The following MCC variants were observed in gnomAD, a reference collection of about 807,000 sequenced individuals.
MCC encodes colorectal mutant cancer protein.
Under a neutral mutation model 116.2 loss-of-function variants are expected in MCC, and 90 were observed. The observed-to-expected ratio is 0.77, with a 90% CI of 0.65 to 0.92. MCC has a LOEUF of 0.92. Ranked by LOEUF, MCC falls within the 40% of genes least tolerant of loss-of-function variation. The pLI is 0.00. For synonymous variants in MCC, 578 were observed against 510.5 expected, an observed-to-expected ratio of 1.13 and a Z score of -1.78; for missense variants, 1,516 against 1,312.2, an observed-to-expected ratio of 1.16 and a Z score of -2.40.
At chr5:113,404,621 T>A (rs537436152) in intron 1 of MCC, among the ~76,000 whole-genome samples, 73 of 152,364 alleles carry the variant, frequency 4.8e-4, no homozygotes, top group African/African-American at 1.7e-3. Context: ...TAGGGATATG[T>A]TGATGACTGA....
intron 2 of MCC, among the ~76,000 whole-genome samples, chr5:113,346,539 G>T (rs184649486): frequency 6.8e-4 from 104 of 152,144 alleles, no homozygotes; most frequent in Non-Finnish European, 1.3e-3. Flanking sequence ...GGTGGAAGTC[G>T]CAGCGAGCCA....
intron 3 of MCC, chr5:113,234,761 A>G (rs1764069122): frequency 6.6e-6 from 1 of 152,226 alleles, no homozygotes; most frequent in Non-Finnish European, 1.5e-5. Context: ...GCATAATACT[A>G]TACTTCTTCA....
chr5:113,151,091 C>CTTGGACTTCGTAG (rs1759837390), intron 4 of MCC, among the ~76,000 whole-genome samples: 2 of 152,148 alleles, frequency 1.3e-5, no homozygotes, highest in Admixed American at 6.6e-5. Flanking sequence ...TCGGTAGGCA[C>CTTGGACTTCGTAG]CTTGGACTTC....
At chr5:113,187,266 G>A (rs1198567989) in intron 3 of MCC, among the ~76,000 whole-genome samples, 1 of 152,092 alleles carries the variant, frequency 6.6e-6, no homozygotes, top group East Asian at 1.9e-4. Context: ...GCGCCACCAT[G>A]CCCAGCTCAT....
intron 14 of MCC, among the ~76,000 whole-genome samples, chr5:113,061,631 CT>C (rs1382690916): frequency 1.3e-5 from 2 of 152,336 alleles, no homozygotes; most frequent in Non-Finnish European, 2.9e-5. Flanking sequence ...TTAACTACCC[CT>C]CTGCTGCTCC....
At chr5:113,417,493 A>AGGTC (rs1392672866) in intron 1 of MCC, among the ~76,000 whole-genome samples, 1 of 152,154 alleles carries the variant, frequency 6.6e-6, no homozygotes, top group African/African-American at 2.4e-5. Flanking sequence ...GCAGCAAAGG[A>AGGTC]GGTCCACTGA....
At chr5:113,249,861 C>G (rs1764727185) in intron 3 of MCC, among the ~76,000 whole-genome samples, 1 of 152,208 alleles carries the variant, frequency 6.6e-6, no homozygotes, top group African/African-American at 2.4e-5. Context: ...ACCCCCACGC[C>G]TTTGGTTTTA....
chr5:113,038,206 A>G (rs1252042740), intron 17 of MCC, among the ~76,000 whole-genome samples: 1 of 152,196 alleles, frequency 6.6e-6, no homozygotes, highest in African/African-American at 2.4e-5. Context: ...GCAGGAAGAA[A>G]CAGAATTGTA....
intron 16 of MCC, among the ~76,000 whole-genome samples, chr5:113,047,713 C>T (rs1271911801): frequency 6.6e-6 from 1 of 151,944 alleles, no homozygotes; most frequent in African/African-American, 2.4e-5. Flanking sequence ...AAATATGATG[C>T]ACAGAATATA....
At chr5:113,457,609 G>C (rs947869424) in intron 1 of MCC, among the ~76,000 whole-genome samples, 10 of 152,222 alleles carry the variant, frequency 6.6e-5, no homozygotes, top group African/African-American at 2.4e-4. Context: ...CTGGGCTCTT[G>C]AGTCTGGTGG....
intron 3 of MCC, among the ~76,000 whole-genome samples, chr5:113,305,538 C>T (rs1766966589): frequency 6.6e-6 from 1 of 152,122 alleles, no homozygotes; most frequent in Non-Finnish European, 1.5e-5. Flanking sequence ...ATTTTCAGTT[C>T]CCCTTCCTTC....
chr5:113,065,114 G>A (rs573580526), intron 13 of MCC, among the ~76,000 whole-genome samples: 5 of 152,180 alleles, frequency 3.3e-5, no homozygotes, highest in East Asian at 1.9e-4. Flanking sequence ...TACTGTAACC[G>A]TGGACTCAAG....
At chr5:113,484,002 A>T (rs1402914071) in intron 1 of MCC, among the ~76,000 whole-genome samples, 1 of 152,208 alleles carries the variant, frequency 6.6e-6, no homozygotes, top group Admixed American at 6.5e-5. Context: ...GTGAGAACAC[A>T]TGGACACATA....
chr5:113,061,456 G>T (rs1404505447), intron 14 of MCC, among the ~76,000 whole-genome samples: 1 of 152,156 alleles, frequency 6.6e-6, no homozygotes, highest in East Asian at 1.9e-4. Flanking sequence ...GTCATGATAT[G>T]TTGATAAAGC....
Position 113,434,064 on chromosome 5 carries a change from C to A in MCC, c.171-48852G>T, listed in dbSNP as rs754276272. Reference sequence around the variant, plus strand: ...GAGGATCTCGTCGATGTGGAGCCGCCGGTTGACGTCGGGCTGCAGCATGTG... The same window carrying A: ...GAGGATCTCGTCGATGTGGAGCCGCAGGTTGACGTCGGGCTGCAGCATGTG... On this transcript the variant is annotated intron_variant, in intron 1 of 18. Transcript: ENST00000408903. This position sits in a 1 kb window ranked among gnomAD's most constrained non-coding sequence, Gnocchi z 4.2. The A allele has an allele frequency of 7.4e-6, 12 of 1,614,024 alleles. No homozygotes were observed. Among genetic ancestry groups the A allele is most frequent in the Admixed American group, 6.7e-5 (4 of 60,010 alleles).
chr5:113,452,676 G>T (rs1334745689), intron 1 of MCC, among the ~76,000 whole-genome samples: 1 of 152,154 alleles, frequency 6.6e-6, no homozygotes, highest in Non-Finnish European at 1.5e-5. Context: ...CACTATATTT[G>T]CAGACAATCT....
intron 11 of MCC, among the ~76,000 whole-genome samples, chr5:113,072,389 A>C (rs988383034): frequency 6.6e-6 from 1 of 152,216 alleles, no homozygotes; most frequent in African/African-American, 2.4e-5. Context: ...CCCTGTTCAC[A>C]TTAAGACTTC....
intron 3 of MCC, among the ~76,000 whole-genome samples, chr5:113,166,094 C>T (rs1317564459): frequency 2.6e-5 from 4 of 152,100 alleles, no homozygotes; most frequent in African/African-American, 4.8e-5. Flanking sequence ...TCATGTCTAC[C>T]ATTCCCCCAT....
intron 10 of MCC, among the ~76,000 whole-genome samples, chr5:113,083,697 G>C (rs969250503): frequency 6.6e-6 from 1 of 152,156 alleles, no homozygotes; most frequent in East Asian, 1.9e-4. Flanking sequence ...AGGCTTCAAA[G>C]ACAACATTCC....
Sources: allele counts gnomAD v4.1 joint callset (sites outside exome capture counted in the v4.1 genomes callset), GRCh38; gene constraint gnomAD v4.1.1; non-coding constraint Gnocchi (gnomAD v3.1); transcripts MANE v1.5; gene names NCBI Gene and HGNC (gene_info 2026-07-23, HGNC 2026-07-21).